NR4A2: variants seen among roughly 807,000 people sequenced by gnomAD.
NR4A2 encodes NGFI-B/nur77 beta-type transcription factor homolog.
Under a neutral mutation model 50.5 loss-of-function variants are expected in NR4A2, and 1 was observed. The observed-to-expected ratio is 0.02, with a 90% confidence interval of 0.01 to 0.09. The LOEUF (loss-of-function observed/expected upper bound fraction) is 0.09. Among genes scored for constraint, NR4A2 ranks in the 10% least tolerant of loss-of-function variants. NR4A2 has a pLI of 1.00. For missense variants in NR4A2, 613 were observed against 777.3 expected (o/e 0.79, Z 2.51); for synonymous variants, 328 against 309.4 (o/e 1.06, Z -0.63).
intron 5 of NR4A2, 61 bp downstream of exon 5, chr2:156,327,790 G>A: frequency 3.2e-6 from 5 of 1,540,564 alleles, no homozygotes; most frequent in Admixed American, 3.9e-5. Context: ...GACGGATGTG[G>A]GGAGGGGTCC....
At chr2:156,330,588 G>A (rs1686881702) in intron 2 of NR4A2, 80 bp downstream of exon 2, 1 of 1,378,980 alleles carries the variant, frequency 7.3e-7, no homozygotes, top group African/African-American at 1.5e-5. Context: ...CAAACCTTAA[G>A]TTACAGGGTT....
In NR4A2 at chr2:156,330,572, G is replaced by A. The variant is rs1219256050; in HGVS notation, c.-3+96C>T. The A allele has an allele frequency of 3.0e-6, 4 of 1,319,326 alleles. No individual in the cohort carries two copies. In the African/African-American group the frequency reaches 5.9e-5, roughly 20 times the overall value. 81.7% of individuals were successfully genotyped at this position (1,319,326 alleles called of 1,614,324 possible). ...AGAAAGTTGTTCCCGAAGGCGATGG[G>A]TCGGGCAAACCTTAAGTTACAGGGT... On this transcript the variant is annotated intron_variant, in intron 2 of 7. Coordinates refer to ENST00000339562, the MANE Select transcript of NR4A2 (RefSeq NM_006186.4).
At chr2:156,332,122 A>T (rs1271014615) in intron 1 of NR4A2, among the ~76,000 whole-genome samples, 3 of 152,126 alleles carry the variant, frequency 2.0e-5, no homozygotes, top group Non-Finnish European at 2.9e-5. Flanking sequence ...TATACATAGG[A>T]CTTGGAGTCT....
intron 5 of NR4A2, among the ~76,000 whole-genome samples, chr2:156,327,454 G>A (rs536675508): frequency 6.6e-6 from 1 of 152,256 alleles, no homozygotes; most frequent in South Asian, 2.1e-4. Flanking sequence ...TGCCAGGAAG[G>A]ATGAGGATTA....
At position 156,328,276 on chromosome 2, in the gene NR4A2, G is replaced by C. The variant is rs1365061265; in HGVS notation, c.994+128C>G. On this transcript the variant is annotated intron_variant, in intron 4 of 7. Transcript: ENST00000339562. This position sits in a 1 kb window ranked among gnomAD's most constrained non-coding sequence, Gnocchi z 4.9. ...AGGCCGGGCAAGCAGGCAGCTGCAG[G>C]GTCCTGGAGGCCATACTGAGGGGGA... 6.1e-6 allele frequency: 9 copies of C among 1,473,526 alleles called. No individual in the cohort carries two copies. Among genetic ancestry groups the C allele is most frequent in the East Asian group, 2.3e-5 (1 of 43,882 alleles). The allele number at this position is 1,473,526 out of a possible 1,614,324, so 91.3% of individuals were successfully genotyped here. A position where few individuals can be genotyped will look rare whatever the true frequency, so the allele number is the denominator to read the frequency against.
Position 156,326,423 on chromosome 2 carries a change from A to G in NR4A2, c.1362-95T>C. 8.5e-7 allele frequency: 1 copy of G among 1,170,308 alleles called. No individual in the cohort carries two copies. The highest frequency in any genetic ancestry group is 1.3e-6 in the Non-Finnish European group (1 of 782,248). The allele number at this position is 1,170,308 out of a possible 1,614,324, so 72.5% of individuals were successfully genotyped here. A position where few individuals can be genotyped will look rare whatever the true frequency, so the allele number is the denominator to read the frequency against. ...AAGAGCAATAAATGAGGGATTTAAG[A>G]GTCACCTAATTACTGAAGAGTTAAT... On this transcript the variant is annotated intron_variant, in intron 6 of 7. Transcript: ENST00000339562. This position sits in a 1 kb window ranked among gnomAD's most constrained non-coding sequence, Gnocchi z 4.2.
intron 5 of NR4A2, 38 bp downstream of exon 5, chr2:156,327,813 G>T (rs376926876): frequency 6.4e-7 from 1 of 1,555,984 alleles, no homozygotes; most frequent in Non-Finnish European, 8.7e-7. Flanking sequence ...CCCATCTGTC[G>T]GTTTGTCCAC....
At position 156,329,092 on chromosome 2, in the gene NR4A2, G is replaced by T. The variant is rs1168485963; in HGVS notation, c.864+231C>A. Among the ~76,000 whole-genome samples, 1 of 152,200 alleles carries T rather than the reference G, an allele frequency of 6.6e-6. No individual in the cohort carries two copies. The highest frequency in any genetic ancestry group is 1.5e-5 in the Non-Finnish European group (1 of 68,034). On this transcript the variant is annotated intron_variant, in intron 3 of 7. Coordinates refer to ENST00000339562, the MANE Select transcript of NR4A2 (RefSeq NM_006186.4). The surrounding 1 kb of genome is among the most constrained non-coding windows in gnomAD (Gnocchi z 7.5). ...GGGGCCAGCCGGGTCGGCTGAATGC[G>T]AGGGGGATGCGACCCTGGCCTCCCA...
At position 156,326,375 on chromosome 2, in the gene NR4A2, A is replaced by G. The variant is rs1407538120; in HGVS notation, c.1362-47T>C. The G allele has an allele frequency of 1.3e-6, 2 of 1,523,218 alleles. No homozygotes were observed. Among genetic ancestry groups the G allele is most frequent in the Admixed American group, 1.7e-5 (1 of 59,844 alleles). The allele number at this position is 1,523,218 out of a possible 1,614,324, so 94.4% of individuals were successfully genotyped here. ...GAGAGGGGAGAAAAAGAGAGAGAGA[A>G]AAGCTAAACAACTAATTACTTGAAG... is the stretch of plus-strand genomic sequence containing the variant. On this transcript the variant is annotated intron_variant, in intron 6 of 7. Coordinates refer to ENST00000339562, the MANE Select transcript of NR4A2 (RefSeq NM_006186.4). The surrounding 1 kb of genome is among the most constrained non-coding windows in gnomAD (Gnocchi z 4.2).
rs1018085355 is a variant in NR4A2, at chr2:156,325,853, C to T, written c.1688G>A (p.Arg563His). The change falls in exon 8 of 8, where the codon CGT becomes CAT. Residue 563 changes from arginine to histidine, a missense_variant. Physicochemically the swap from Arg to His is conservative, Grantham distance 29 (BLOSUM62 0). Transcript: ENST00000339562. The stretch of plus-strand genomic sequence containing the variant: ...CTGTAGCCCCTGTGTGCAAAGGGTA[C>T]GAAGTTCTGGGAGCTTCCCCAACAG... ...SKLLGKLPEL[R>H]TLCTQGLQRI... The T allele has an allele frequency of 1.9e-6, 3 of 1,614,030 alleles. No homozygotes were observed. The highest frequency in any genetic ancestry group is 1.7e-5 in the Admixed American group (1 of 60,002).
Position 156,329,779 on chromosome 2 carries a change from C to G in NR4A2, c.408G>C (p.Gln136His). Residue 136 changes from glutamine (Q) to histidine (H), a missense_variant, in exon 3 of 8, where the codon CAG (glutamine) becomes CAC (histidine). Physicochemically the swap from Gln to His is conservative, Grantham distance 24. Coordinates refer to ENST00000339562, the MANE Select transcript of NR4A2 (RefSeq NM_006186.4). The surrounding 1 kb of genome is among the most constrained non-coding windows in gnomAD (Gnocchi z 7.5). ...CGTCCCACATGGGGCTGTGCTGCAC[C>G]TGGAAGCCCGGGGTGGTGGGCGTCG... is the stretch of plus-strand genomic sequence containing the variant. ...SPPTPTTPGF[Q>H]VQHSPMWDDP... The G allele has an allele frequency of 6.2e-7, 1 of 1,613,498 alleles. No individual in the cohort carries two copies. Among genetic ancestry groups the G allele is most frequent in the South Asian group, 1.1e-5 (1 of 91,066 alleles).
chr2:156,326,655 T>C lies in NR4A2; in HGVS notation c.1361+63A>G. On this transcript the variant is annotated intron_variant, in intron 6 of 7. Coordinates refer to ENST00000339562, the MANE Select transcript of NR4A2 (RefSeq NM_006186.4). This position sits in a 1 kb window ranked among gnomAD's most constrained non-coding sequence, Gnocchi z 4.2. ...CACCCTCTGGTTTCCCTTCCTCCCT[T>C]TCTTTTCCTTTCTTGATTTCTCTCA... The C allele has an allele frequency of 6.4e-7, 1 of 1,556,910 alleles. No individual in the cohort carries two copies. Among genetic ancestry groups the C allele is most frequent in the South Asian group, 1.1e-5 (1 of 89,680 alleles).
At chr2:156,330,855 A>G (rs572299694) in intron 1 of NR4A2, 64 bp from the exon 2 acceptor site, 1 of 1,233,032 alleles carries the variant, frequency 8.1e-7, no homozygotes, top group Admixed American at 3.9e-5. Context: ...GGGCATATGT[A>G]GACTCACCAG....
At position 156,328,682 on chromosome 2, in the gene NR4A2, C is replaced by T; in HGVS notation, c.865-149G>A. The T allele has an allele frequency of 1.9e-6, 2 of 1,037,356 alleles. No homozygotes were observed. The highest frequency in any genetic ancestry group is 2.3e-5 in the Admixed American group (1 of 43,390). The allele number at this position is 1,037,356 out of a possible 1,614,324, so 64.3% of individuals were successfully genotyped here. ...CAATTCCATTTTATTTTTTTCTCTT[C>T]CTTTTCTTTCTTTCTTTTCTTTTTT... is the stretch of plus-strand genomic sequence containing the variant. On this transcript the variant is annotated intron_variant, in intron 3 of 7. Coordinates refer to ENST00000339562, the MANE Select transcript of NR4A2 (RefSeq NM_006186.4). The surrounding 1 kb of genome is among the most constrained non-coding windows in gnomAD (Gnocchi z 4.9).
In NR4A2 at chr2:156,328,073, C is replaced by A; in HGVS notation, c.995-59G>T. The A allele has an allele frequency of 1.9e-6, 3 of 1,564,734 alleles. No individual in the cohort carries two copies. In the East Asian group the frequency reaches 7.1e-5, roughly 37 times the overall value. ...CCGAGCCCAGGCCCAGCTGCTGCCT[C>A]GGTCCCTCCCCGGGGAAGGCCGCAG... On this transcript the variant is annotated intron_variant, in intron 4 of 7. Transcript: ENST00000339562. The surrounding 1 kb of genome is among the most constrained non-coding windows in gnomAD (Gnocchi z 4.9).
chr2:156,326,548 GCTT>G lies in NR4A2; in HGVS notation c.1361+167_1361+169del, dbSNP rs1266747078. Among the ~76,000 whole-genome samples, 2 of 152,060 alleles carry G rather than the reference GCTT, an allele frequency of 1.3e-5. No individual in the cohort carries two copies. Among genetic ancestry groups the G allele is most frequent in the African/African-American group, 2.4e-5 (1 of 41,380 alleles). Reference sequence around the variant, plus strand: ...CCATTCATCCAAGGCTTCTGGGCTCGCTTCTTCTCGTCTTTTTTTGTTTTCTTT... The same window carrying G: ...CCATTCATCCAAGGCTTCTGGGCTCGCTTCTCGTCTTTTTTTGTTTTCTTT... On this transcript the variant is annotated intron_variant, in intron 6 of 7. Transcript: ENST00000339562. This position sits in a 1 kb window ranked among gnomAD's most constrained non-coding sequence, Gnocchi z 4.2.
At position 156,325,629 on chromosome 2, in the gene NR4A2, T is replaced by TG. The variant is rs1005616438; in HGVS notation, c.*114dup. 1.5e-6 allele frequency: 2 copies of TG among 1,326,052 alleles called. No individual in the cohort carries two copies. The highest frequency in any genetic ancestry group is 2.2e-6 in the Non-Finnish European group (2 of 919,848). The allele number at this position is 1,326,052 out of a possible 1,614,324, so 82.1% of individuals were successfully genotyped here. ...AAGGGGGCTAGGAGGGTTACAGAAATGGGGGGCAGCTTGAGCTGAGACTGC... is the reference window on the plus strand; with the variant it reads ...AAGGGGGCTAGGAGGGTTACAGAAATGGGGGGGCAGCTTGAGCTGAGACTGC... On this transcript the variant is annotated 3_prime_UTR_variant, in exon 8 of 8. Coordinates refer to ENST00000339562, the MANE Select transcript of NR4A2 (RefSeq NM_006186.4).
Position 156,325,681 on chromosome 2 carries a change from C to T in NR4A2, c.*63G>A. 6.2e-7 allele frequency: 1 copy of T among 1,604,846 alleles called. No individual in the cohort carries two copies. The highest frequency in any genetic ancestry group is 8.5e-7 in the Non-Finnish European group (1 of 1,173,290). On this transcript the variant is annotated 3_prime_UTR_variant, in exon 8 of 8. Coordinates refer to ENST00000339562, the MANE Select transcript of NR4A2 (RefSeq NM_006186.4). Reference sequence around the variant, plus strand: ...CACACGGCTATCTCTGCCCATGTGACTTGCCCCCTCTTGACAGTTTCCATT... The same window carrying T: ...CACACGGCTATCTCTGCCCATGTGATTTGCCCCCTCTTGACAGTTTCCATT...
In NR4A2 at chr2:156,332,605, G is replaced by C. The variant is rs996414360; in HGVS notation, c.-252C>G. The C allele has an allele frequency of 7.7e-5, 58 of 757,812 alleles. No homozygotes were observed. Among genetic ancestry groups the C allele is most frequent in the Non-Finnish European group, 1.1e-4 (58 of 505,234 alleles). 46.9% of individuals were successfully genotyped at this position (757,812 alleles called of 1,614,324 possible). ...GGCGAAGGGAACCCGGACACCTCAC[G>C]GAGGGAGGGAGCAGGGACAGGCGGC... On this transcript the variant is annotated 5_prime_UTR_variant, in exon 1 of 8. Coordinates refer to ENST00000339562, the MANE Select transcript of NR4A2 (RefSeq NM_006186.4).
Sources: allele counts gnomAD v4.1 joint callset (sites outside exome capture counted in the v4.1 genomes callset), GRCh38; gene constraint gnomAD v4.1.1; non-coding constraint Gnocchi (gnomAD v3.1); transcripts MANE v1.5; gene names NCBI Gene and HGNC (gene_info 2026-07-23, HGNC 2026-07-21).